The following CDNF variants were observed in gnomAD, a reference collection of about 807,000 sequenced individuals.
The protein encoded by CDNF is cerebral dopamine neurotrophic factor.
In CDNF, 9 loss-of-function variants were observed where a neutral mutation model predicts 14.8. The ratio of observed to expected loss-of-function variants is 0.61; its 90% confidence interval spans 0.37 to 1.06. The LOEUF is 1.06. Ranked by LOEUF, CDNF falls within the 50% of genes least tolerant of loss-of-function variation. The pLI, the probability that CDNF is intolerant of heterozygous loss-of-function variation, is 0.01. For missense variants in CDNF, 228 were observed against 228.4 expected, an observed-to-expected ratio of 1.00 and a Z score of 0.01; for synonymous variants, 86 against 87.2, an observed-to-expected ratio of 0.99 and a Z score of 0.07.
chr10:14,829,260 C>G (rs766924499), intron 1 of CDNF, among the ~76,000 whole-genome samples: 7 of 152,182 alleles, frequency 4.6e-5, no homozygotes, highest in Non-Finnish European at 1.0e-4. Context: ...GAATAAGAAT[C>G]CTGAATGAAG....
intron 2 of CDNF, 101 bp downstream of exon 2, chr10:14,828,044 G>A (rs1833813293): frequency 2.5e-6 from 3 of 1,190,800 alleles, no homozygotes; most frequent in Non-Finnish European, 1.2e-6. Flanking sequence ...GGACATACTT[G>A]AGGCAAACAT....
At position 14,831,583 on chromosome 10, in the gene CDNF, T is replaced by TA. The variant is rs1491093087; in HGVS notation, c.116-3312_116-3311insT. On this transcript the variant is annotated intron_variant, in intron 1 of 3. Transcript: ENST00000465530. ...ACACACACACATATATATATATATATTTTTTTTCAAGATGGAGTCTCGCTC... is the reference window on the plus strand; with the variant it reads ...ACACACACACATATATATATATATATATTTTTTTCAAGATGGAGTCTCGCTC... Among the ~76,000 whole-genome samples, 606 of 149,064 alleles carry TA rather than the reference T, an allele frequency of 4.1e-3. 2 individuals are homozygous for TA. The highest frequency in any genetic ancestry group is 0.014 in the Middle Eastern group (4 of 286).
intron 2 of CDNF, among the ~76,000 whole-genome samples, chr10:14,826,482 AAAGAAGAAGAAG>A (rs111933790): frequency 7.1e-6 from 1 of 140,892 alleles, no homozygotes; most frequent in Non-Finnish European, 1.6e-5. Flanking sequence ...AGAAGAAGAA[AAAGAAGAAGAAG>A]AAGAAGAAAA....
At chr10:14,833,896 C>T (rs1465647464) in intron 1 of CDNF, among the ~76,000 whole-genome samples, 1 of 152,116 alleles carries the variant, frequency 6.6e-6, no homozygotes, top group Non-Finnish European at 1.5e-5. Flanking sequence ...GGCAAGTGAA[C>T]ACAGTGTTAA....
chr10:14,826,683 G>A (rs1187274532), intron 2 of CDNF, among the ~76,000 whole-genome samples: 1 of 152,174 alleles, frequency 6.6e-6, no homozygotes, highest in Non-Finnish European at 1.5e-5. Context: ...TGTTTTCTCT[G>A]TGCCAGGTGC....
intron 3 of CDNF, 140 bp downstream of exon 3, chr10:14,825,338 AC>A: frequency 1.3e-6 from 1 of 764,008 alleles, no homozygotes; most frequent in East Asian, 2.5e-5. Flanking sequence ...GCCCATAGGT[AC>A]CATTCATCAG....
rs879601256 is a variant in CDNF, at chr10:14,831,549, T to TACAC, written c.116-3281_116-3278dup. ...TATATACACATATATAATACATATATACACACACACACACACACATATATA... is the reference window on the plus strand; with the variant it reads ...TATATACACATATATAATACATATATACACACACACACACACACACACATATATA... On this transcript the variant is annotated intron_variant, in intron 1 of 3. Coordinates refer to ENST00000465530, the MANE Select transcript of CDNF (RefSeq NM_001029954.3). Among the ~76,000 whole-genome samples, 50 of 147,312 alleles carry TACAC rather than the reference T, an allele frequency of 3.4e-4. No homozygotes were observed. In the East Asian group the frequency reaches 3.6e-3, roughly 11 times the overall value.
Position 14,820,131 on chromosome 10 carries a change from T to G in CDNF, c.413A>C (p.Asp138Ala), listed in dbSNP as rs1211394852. 2.5e-6 allele frequency: 4 copies of G among 1,612,952 alleles called. No homozygotes were observed. Among genetic ancestry groups the G allele is most frequent in the Non-Finnish European group, 3.4e-6 (4 of 1,179,782 alleles). The change falls in exon 4 of 4, where the codon GAC (aspartate) becomes GCC (alanine). Residue 138 changes from aspartate to alanine, a missense_variant. Transcript: ENST00000465530. ...CTCTGCCACTCTCATCTTCCGCAGG[T>G]CAACTGATGCCAAGTCCAGTGTTTT... ...YEKTLDLASV[D>A]LRKMRVAELK...
intron 3 of CDNF, among the ~76,000 whole-genome samples, chr10:14,820,405 A>C (rs1833728028): frequency 6.6e-6 from 1 of 152,110 alleles, no homozygotes. Context: ...ATTCTAAACA[A>C]ATTAAAGATA....
rs1312858398 is a variant in CDNF, at chr10:14,820,113, ACT to A, written c.429_430del (p.Arg143SerfsTer10). ...ATGCAGGATCTGCTTCAGCTCTGCC[ACT>A]CTCATCTTCCGCAGGTCAACTGATG... On this transcript the variant is annotated frameshift_variant, in exon 4 of 4. Transcript: ENST00000465530. LOFTEE classifies it low-confidence loss of function (END_TRUNC). 1 of 1,614,044 alleles carries A rather than the reference ACT, an allele frequency of 6.2e-7. No homozygotes were observed. The highest frequency in any genetic ancestry group is 8.5e-7 in the Non-Finnish European group (1 of 1,179,998).
chr10:14,819,337 C>A lies in CDNF; in HGVS notation c.*643G>T, dbSNP rs1461631100. On this transcript the variant is annotated 3_prime_UTR_variant, in exon 4 of 4. Transcript: ENST00000465530. Reference sequence around the variant, plus strand: ...TGTGACTGTAAGGAATGAAAAAGACCTTGAGCTTGGTTCAATTAACAATGT... The same window carrying A: ...TGTGACTGTAAGGAATGAAAAAGACATTGAGCTTGGTTCAATTAACAATGT... The A allele has an allele frequency of 6.6e-6, 1 of 152,120 alleles. No homozygotes were observed. Among genetic ancestry groups the A allele is most frequent in the African/African-American group, 2.4e-5 (1 of 41,424 alleles). The allele number at this position is 152,120 out of a possible 1,614,324, so 9.4% of individuals were successfully genotyped here. A position where few individuals can be genotyped will look rare whatever the true frequency, so the allele number is the denominator to read the frequency against.
intron 2 of CDNF, among the ~76,000 whole-genome samples, chr10:14,827,510 T>C (rs541844918): frequency 2.9e-4 from 44 of 152,350 alleles, no homozygotes; most frequent in Non-Finnish European, 4.3e-4. Flanking sequence ...TAAGTTTGAT[T>C]AATTGTCTTG....
intron 3 of CDNF, among the ~76,000 whole-genome samples, chr10:14,821,625 G>A (rs917807328): frequency 3.3e-5 from 5 of 152,200 alleles, no homozygotes; most frequent in Non-Finnish European, 7.3e-5. Context: ...AAGGACAACA[G>A]TGTATACAAA....
In CDNF at chr10:14,828,129, G is replaced by A; in HGVS notation, c.243+16C>T. On this transcript the variant is annotated intron_variant, in intron 2 of 3. Coordinates refer to ENST00000465530, the MANE Select transcript of CDNF (RefSeq NM_001029954.3). ...TTCAAGCACATGGGGAAAATGAAAG[G>A]TGAAATTTACTATACCAGGCGGTTT... 1.2e-6 allele frequency: 2 copies of A among 1,612,234 alleles called. No individual in the cohort carries two copies. The highest frequency in any genetic ancestry group is 1.7e-6 in the Non-Finnish European group (2 of 1,179,214).
intron 1 of CDNF, among the ~76,000 whole-genome samples, chr10:14,833,729 C>T (rs1833864223): frequency 6.6e-6 from 1 of 151,538 alleles, no homozygotes; most frequent in African/African-American, 2.4e-5. Flanking sequence ...GATGAGAACA[C>T]AAAGTAAGGA....
chr10:14,837,745 T>C (rs1331909986), intron 1 of CDNF, 87 bp downstream of exon 1: 12 of 722,764 alleles, frequency 1.7e-5, no homozygotes, highest in Non-Finnish European at 2.7e-5. Flanking sequence ...ATGTTATTTA[T>C]AGCCAGGGCC....
intron 1 of CDNF, among the ~76,000 whole-genome samples, chr10:14,829,964 T>C (rs1488484915): frequency 6.6e-6 from 1 of 152,130 alleles, no homozygotes; most frequent in Non-Finnish European, 1.5e-5. Context: ...TAGGTTCTTG[T>C]TCCTGGTGCC....
intron 2 of CDNF, among the ~76,000 whole-genome samples, 166 bp downstream of exon 2, chr10:14,827,979 C>G (rs994172584): frequency 1.3e-5 from 2 of 152,114 alleles, no homozygotes; most frequent in African/African-American, 4.8e-5. Flanking sequence ...GATGAAAACA[C>G]GCAGAACTAC....
intron 1 of CDNF, among the ~76,000 whole-genome samples, chr10:14,836,498 C>A (rs1470714680): frequency 1.3e-5 from 2 of 152,176 alleles, no homozygotes; most frequent in Non-Finnish European, 2.9e-5. Flanking sequence ...GTATAGGACA[C>A]AATTATAGCA....
Sources: allele counts gnomAD v4.1 joint callset (sites outside exome capture counted in the v4.1 genomes callset), GRCh38; gene constraint gnomAD v4.1.1; transcripts MANE v1.5; gene names NCBI Gene and HGNC (gene_info 2026-07-23, HGNC 2026-07-21).